The following PPL variants were observed in gnomAD, a reference collection of about 807,000 sequenced individuals.
PPL encodes 190 kDa paraneoplastic pemphigus antigen.
Under a neutral mutation model 194.4 loss-of-function variants are expected in PPL, and 198 were observed. That is an observed-to-expected ratio of 1.02 (90% CI 0.91 to 1.15). The LOEUF (loss-of-function observed/expected upper bound fraction) is 1.15. Among genes scored for constraint, PPL ranks in the 50% most tolerant of loss-of-function variants. The probability of loss-of-function intolerance (pLI) is 0.00; values close to 1 mark genes in which losing one functional copy is unlikely to be tolerated. For missense variants in PPL, 2,885 were observed against 2,294.8 expected (o/e 1.26, Z -5.25); for synonymous variants, 1,220 against 972.4 (o/e 1.25, Z -4.74).
chr16:4,888,210 C>T lies in PPL; in HGVS notation c.2406G>A (p.Glu802=), dbSNP rs1036606940. Reference sequence around the variant, plus strand: ...GAGACCTTAGTTTTTCTGCTTCTAACTCATAGTCCTGCATGAGGGAGAGAC... The same window carrying T: ...GAGACCTTAGTTTTTCTGCTTCTAATTCATAGTCCTGCATGAGGGAGAGAC... The part of the protein sequence containing the change: ...QQYQQAVKDY[E]LEAEKLRSLL... The change falls in exon 20 of 22, where the codon GAG becomes GAA. Residue 802 remains glutamate (E), a synonymous_variant. Transcript: ENST00000345988. 1 of 1,602,664 alleles carries T rather than the reference C, an allele frequency of 6.2e-7. No homozygotes were observed. Among genetic ancestry groups the T allele is most frequent in the Non-Finnish European group, 8.5e-7 (1 of 1,169,638 alleles).
chr16:4,893,724 A>G (rs1386602627), intron 12 of PPL, 86 bp from the exon 13 acceptor site: 2 of 1,158,848 alleles, frequency 1.7e-6, no homozygotes. Flanking sequence ...CTGGCTGGGC[A>G]GACACCCCAG....
intron 6 of PPL, among the ~76,000 whole-genome samples, 200 bp downstream of exon 6, chr16:4,900,630 G>A (rs755390012): frequency 2.0e-5 from 3 of 151,800 alleles, no homozygotes; most frequent in Non-Finnish European, 2.9e-5. Flanking sequence ...TAGAGCTGGA[G>A]TCTCACTATG....
In PPL at chr16:4,883,661, G is replaced by C; in HGVS notation, c.4994C>G (p.Thr1665Arg). Residue 1665 changes from threonine to arginine, a missense_variant, in exon 22 of 22, where the codon ACA (threonine) becomes AGA (arginine). Coordinates refer to ENST00000345988, the MANE Select transcript of PPL (RefSeq NM_002705.5). The surrounding 1 kb of genome is among the most constrained non-coding windows in gnomAD (Gnocchi z 4.8). ...TTCCTCCGGGGACAGCTCGCGGCCT[G>C]TGTCAGGGTGGATGACTACGATGGA... The part of the protein sequence containing the change: ...RRSIVVIHPD[T>R]GRELSPEEAH... 6.2e-7 allele frequency: 1 copy of C among 1,614,130 alleles called. No homozygotes were observed. The highest frequency in any genetic ancestry group is 8.5e-7 in the Non-Finnish European group (1 of 1,180,014).
Position 4,902,060 on chromosome 16 carries a change from G to A in PPL, c.438+346C>T, listed in dbSNP as rs1183251105. Among the ~76,000 whole-genome samples, 1 of 152,224 alleles carries A rather than the reference G, an allele frequency of 6.6e-6. No individual in the cohort carries two copies. The highest frequency in any genetic ancestry group is 1.5e-5 in the Non-Finnish European group (1 of 68,044). ...TCTCTGTGGTGAGCACCCAGGAAAG[G>A]GAGCGACAGGCCAGAAGCCTGGCCG... On this transcript the variant is annotated intron_variant, in intron 4 of 21. Coordinates refer to ENST00000345988, the MANE Select transcript of PPL (RefSeq NM_002705.5). This position sits in a 1 kb window ranked among gnomAD's most constrained non-coding sequence, Gnocchi z 4.0.
chr16:4,908,356 A>G (rs1234231793), intron 2 of PPL, among the ~76,000 whole-genome samples: 1 of 152,064 alleles, frequency 6.6e-6, no homozygotes, highest in African/African-American at 2.4e-5. Context: ...AAAATGGTTC[A>G]AAATTACCTA....
chr16:4,898,900 T>C (rs1211219342), intron 8 of PPL, 113 bp downstream of exon 8: 4 of 768,240 alleles, frequency 5.2e-6, no homozygotes, highest in Non-Finnish European at 4.4e-6. Flanking sequence ...AGACACAAGA[T>C]GCAGCTTGCA....
At chr16:4,931,177 A>C (rs886634425) in intron 1 of PPL, among the ~76,000 whole-genome samples, 7 of 152,116 alleles carry the variant, frequency 4.6e-5, no homozygotes, top group Non-Finnish European at 7.4e-5. Flanking sequence ...CAGAGTGGGC[A>C]ATATAGTGAG....
intron 2 of PPL, among the ~76,000 whole-genome samples, chr16:4,904,642 T>C (rs1345811977): frequency 1.3e-5 from 2 of 151,980 alleles, no homozygotes; most frequent in East Asian, 1.9e-4. Context: ...GACTGGGCCA[T>C]AGTGAAAAGG....
chr16:4,926,064 A>G (rs2089149516), intron 1 of PPL, among the ~76,000 whole-genome samples: 1 of 152,182 alleles, frequency 6.6e-6, no homozygotes, highest in African/African-American at 2.4e-5. Flanking sequence ...GGCGGAAGCA[A>G]CTGCCATTGA....
intron 1 of PPL, among the ~76,000 whole-genome samples, chr16:4,927,360 G>C (rs904003359): frequency 2.0e-5 from 3 of 152,180 alleles, no homozygotes; most frequent in Admixed American, 6.5e-5. Flanking sequence ...CCCAACAGCT[G>C]CACATCAAAA....
chr16:4,899,093 T>A lies in PPL; in HGVS notation c.796A>T (p.Lys266Ter). 2 of 1,613,952 alleles carry A rather than the reference T, an allele frequency of 1.2e-6. No homozygotes were observed. The highest frequency in any genetic ancestry group is 1.7e-6 in the Non-Finnish European group (2 of 1,179,968). Residue 266 changes from lysine to a stop codon, truncating the protein, a stop_gained, in exon 8 of 22, where the codon AAA becomes TAA. Coordinates refer to ENST00000345988, the MANE Select transcript of PPL (RefSeq NM_002705.5). LOFTEE classifies it high-confidence loss of function. The part of the protein sequence containing the change: ...ENFINRNLEA[K>*]EERINKLHSE... ...TGCAGTTTGTTGATTCTCTCCTCTTTGGCCTCCAGGTTCCGGTTGATGAAA... is the reference window on the plus strand; with the variant it reads ...TGCAGTTTGTTGATTCTCTCCTCTTAGGCCTCCAGGTTCCGGTTGATGAAA...
At position 4,929,200 on chromosome 16, in the gene PPL, C is replaced by T. The variant is rs550973642; in HGVS notation, c.62+7784G>A. 1.2e-3 allele frequency among the ~76,000 whole-genome samples: 189 copies of T among 152,120 alleles called. 2 individuals are homozygous for T. Among genetic ancestry groups the T allele is most frequent in the East Asian group, 9.7e-4 (5 of 5,168 alleles). Reference sequence around the variant, plus strand: ...ACCTCAAGGCCTTTCTGTGTTCATACCTTTCCCAGTTCTGGTCCCCTCCCC... The same window carrying T: ...ACCTCAAGGCCTTTCTGTGTTCATATCTTTCCCAGTTCTGGTCCCCTCCCC... On this transcript the variant is annotated intron_variant, in intron 1 of 21. Coordinates refer to ENST00000345988, the MANE Select transcript of PPL (RefSeq NM_002705.5).
chr16:4,883,984 T>C lies in PPL; in HGVS notation c.4671A>G (p.Glu1557=), dbSNP rs2142320407. 3.7e-6 allele frequency: 6 copies of C among 1,614,086 alleles called. No homozygotes were observed. Among genetic ancestry groups the C allele is most frequent in the Middle Eastern group, 1.6e-4 (1 of 6,062 alleles). ...GGTTCTCTTCCCTCAGAAAGTCTAG[T>C]TCCTTGGATGACTTGGAGTTATGGA... is the stretch of plus-strand genomic sequence containing the variant. ...LEFHNSKSSK[E]LDFLREENHK... The change falls in exon 22 of 22, where the codon GAA becomes GAG. Residue 1557 remains glutamate, a synonymous_variant. Coordinates refer to ENST00000345988, the MANE Select transcript of PPL (RefSeq NM_002705.5). This position sits in a 1 kb window ranked among gnomAD's most constrained non-coding sequence, Gnocchi z 4.8.
At chr16:4,887,807 G>C (rs1435062410) in intron 20 of PPL, among the ~76,000 whole-genome samples, 1 of 152,112 alleles carries the variant, frequency 6.6e-6, no homozygotes, top group African/African-American at 2.4e-5. Flanking sequence ...TGTTGCCCAG[G>C]CTGGTCTCCA....
chr16:4,912,173 C>A (rs2088831998), intron 1 of PPL, among the ~76,000 whole-genome samples: 1 of 152,206 alleles, frequency 6.6e-6, no homozygotes, highest in African/African-American at 2.4e-5. Flanking sequence ...ATTTTTATCA[C>A]CCCAAAGCTC....
In PPL at chr16:4,885,730, C is replaced by G. The variant is rs1567987021; in HGVS notation, c.2925G>C (p.Gln975His). 1 of 1,613,266 alleles carries G rather than the reference C, an allele frequency of 6.2e-7. No homozygotes were observed. The highest frequency in any genetic ancestry group is 8.5e-7 in the Non-Finnish European group (1 of 1,179,988). ...QLLQEELEAL[Q>H]LQLRALEQET... Reference sequence around the variant, plus strand: ...CCTGCTCCAGGGCACGCAGCTGCAGCTGCAGTGCCTCCAGCTCCTCCTGCA... The same window carrying G: ...CCTGCTCCAGGGCACGCAGCTGCAGGTGCAGTGCCTCCAGCTCCTCCTGCA... The change falls in exon 22 of 22, where the codon CAG becomes CAC. Residue 975 changes from glutamine to histidine, a missense_variant. Transcript: ENST00000345988. The surrounding 1 kb of genome is among the most constrained non-coding windows in gnomAD (Gnocchi z 6.3).
intron 1 of PPL, among the ~76,000 whole-genome samples, chr16:4,926,941 T>C (rs576602912): frequency 6.6e-6 from 1 of 151,000 alleles, no homozygotes; most frequent in African/African-American, 2.4e-5. Context: ...ACCAGGGTAT[T>C]TTCATCCACT....
Position 4,928,720 on chromosome 16 carries a change from A to G in PPL, c.62+8264T>C, listed in dbSNP as rs1596590316. The stretch of plus-strand genomic sequence containing the variant: ...ACCCTGCTTCAATCTCAGATAAGAA[A>G]CTCTATTTGGCTGGGAGCAGTGGCT... On this transcript the variant is annotated intron_variant, in intron 1 of 21. Transcript: ENST00000345988. 2.6e-5 allele frequency among the ~76,000 whole-genome samples: 4 copies of G among 151,908 alleles called. No homozygotes were observed. The East Asian group carries it at 7.7e-4, about 29-fold the overall frequency.
chr16:4,889,169 C>A, intron 18 of PPL, 108 bp from the exon 19 acceptor site: 1 of 866,282 alleles, frequency 1.2e-6, no homozygotes. Flanking sequence ...TCTTCTCTAG[C>A]ACAAAGTATG....
Sources: gnomAD v4.1 joint callset for allele counts (sites outside exome capture counted in the v4.1 genomes callset) on GRCh38, gnomAD v4.1.1 for gene constraint, Gnocchi (gnomAD v3.1) non-coding constraint, MANE v1.5 for transcripts, NCBI Gene and HGNC (gene_info 2026-07-23, HGNC 2026-07-21) for gene names.